Variants in TLE6 observed in about 807,000 individuals in gnomAD.
TLE6 encodes TLE family member 6, subcortical maternal complex member.
In TLE6, 72 loss-of-function variants were observed where a neutral mutation model predicts 77.1. The ratio of observed to expected loss-of-function variants is 0.93; its 90% CI spans 0.77 to 1.14. The LOEUF (loss-of-function observed/expected upper bound fraction) is 1.14, where lower values mean the gene tolerates loss of function less well. Ranked by LOEUF, TLE6 falls within the 50% of genes most tolerant of loss-of-function variation. The probability of loss-of-function intolerance (pLI) is 0.00; values close to 1 mark genes in which losing one functional copy is unlikely to be tolerated. For synonymous variants in TLE6, 366 were observed against 287.3 expected (o/e 1.27, Z -2.77); for missense variants, 843 against 747.6 (o/e 1.13, Z -1.49).
chr19:2,993,949 TG>T, intron 15 of TLE6, 69 bp from the exon 16 acceptor site: 1 of 824,602 alleles, frequency 1.2e-6, no homozygotes, highest in Non-Finnish European at 1.8e-6. Flanking sequence ...AAAAGGTGGG[TG>T]GGGAGGATGA....
chr19:2,993,516 G>A lies in TLE6; in HGVS notation c.1471G>A (p.Gly491Arg), dbSNP rs375057396. The stretch of plus-strand genomic sequence containing the variant: ...CCAGCAGTGGCTGCAAAGCACCAGC[G>A]GGAGCCAGCGGCACATGGTGGGGCA... Reference protein sequence around the residue: ...NGQQWLQSTSGSQRHMVGQKD... With the variant: ...NGQQWLQSTSRSQRHMVGQKD... Residue 491 changes from glycine (G) to arginine (R), a missense_variant, in exon 15 of 17, where the codon GGG becomes AGG. Transcript: ENST00000246112. 3.5e-5 allele frequency: 55 copies of A among 1,593,318 alleles called. No homozygotes were observed. The highest frequency in any genetic ancestry group is 8.5e-5 in the Admixed American group (5 of 58,976).
In TLE6 at chr19:2,980,089, G is replaced by T. The variant is rs2088766699; in HGVS notation, c.52-11G>T. 1 of 1,545,596 alleles carries T rather than the reference G, an allele frequency of 6.5e-7. No individual in the cohort carries two copies. The highest frequency in any genetic ancestry group is 1.2e-5 in the South Asian group (1 of 83,894). On this transcript the variant is annotated splice_polypyrimidine_tract_variant and intron_variant, in intron 2 of 16. Transcript: ENST00000246112. ...TGTAAGTTTTATGTAACCTTGCTTT[G>T]ACCTTTCCAGCCTTGTCCTGGGATC...
At position 2,991,979 on chromosome 19, in the gene TLE6, T is replaced by G. The variant is rs2089078220; in HGVS notation, c.1381T>G (p.Ser461Ala). Residue 461 changes from serine (S) to alanine (A), a missense_variant, in exon 14 of 17, where the codon TCT becomes GCT. Ser to Ala is a moderately conservative substitution (Grantham distance 99). Transcript: ENST00000246112. ...GAAACCTCTGGAGTACCAATTCAAG[T>G]CTCAGGTGCGGAGGCCGGGATGGGG... ...IMKPLEYQFKSQIMSLSHSPQ... is the reference protein window; with the variant it reads ...IMKPLEYQFKAQIMSLSHSPQ... 6.2e-7 allele frequency: 1 copy of G among 1,613,266 alleles called. No individual in the cohort carries two copies. The highest frequency in any genetic ancestry group is 1.1e-5 in the South Asian group (1 of 91,038).
In TLE6 at chr19:2,986,845, A is replaced by G; in HGVS notation, c.239A>G (p.Gln80Arg). ...TCCTTCTAGATAGGAAACGTCTTAC[A>G]GATTGTGGAGAGCTGCAGCCAACTC... ...EHHKQIGNVLQIVESCSQLQG... is the reference protein window; with the variant it reads ...EHHKQIGNVLRIVESCSQLQG... Residue 80 changes from glutamine (Q) to arginine (R), a missense_variant, in exon 6 of 17, where the codon CAG (glutamine) becomes CGG (arginine). Transcript: ENST00000246112. The G allele has an allele frequency of 2.6e-6, 4 of 1,551,708 alleles. No homozygotes were observed. The highest frequency in any genetic ancestry group is 3.5e-6 in the Non-Finnish European group (4 of 1,146,982).
At chr19:2,984,659 G>C (rs2088871120) in intron 5 of TLE6, among the ~76,000 whole-genome samples, 1 of 151,922 alleles carries the variant, frequency 6.6e-6, no homozygotes, top group Admixed American at 6.6e-5. Flanking sequence ...GTAGAGACAG[G>C]GTTTTGCCAT....
chr19:2,991,423 CACAT>C (rs1227349349), intron 13 of TLE6, among the ~76,000 whole-genome samples: 41 of 141,514 alleles, frequency 2.9e-4, no homozygotes, highest in African/African-American at 9.0e-4. Context: ...CACACACACA[CACAT>C]ATATATAATA....
At position 2,991,393 on chromosome 19, in the gene TLE6, T is replaced by TACACAC. The variant is rs1245083562; in HGVS notation, c.1245-449_1245-448insCACACA. On this transcript the variant is annotated intron_variant, in intron 13 of 16. Coordinates refer to ENST00000246112, the MANE Select transcript of TLE6 (RefSeq NM_001143986.2). ...AAAAATACGTATATATATATATATA[T>TACACAC]ATACACACACACACACACACACACA... is the stretch of plus-strand genomic sequence containing the variant. 1.7e-4 allele frequency among the ~76,000 whole-genome samples: 19 copies of TACACAC among 110,068 alleles called. No individual in the cohort carries two copies. The East Asian group carries it at 3.3e-3, about 19-fold the overall frequency. 72.2% of individuals were successfully genotyped at this position (110,068 alleles called of 152,430 possible). A position where few individuals can be genotyped will look rare whatever the true frequency, so the allele number is the denominator to read the frequency against.
At position 2,987,709 on chromosome 19, in the gene TLE6, T is replaced by A; in HGVS notation, c.559-15T>A. 6.2e-7 allele frequency: 1 copy of A among 1,614,020 alleles called. No individual in the cohort carries two copies. On this transcript the variant is annotated splice_polypyrimidine_tract_variant and intron_variant, in intron 8 of 16. Coordinates refer to ENST00000246112, the MANE Select transcript of TLE6 (RefSeq NM_001143986.2). Reference sequence around the variant, plus strand: ...GGCAGGTCAGCAGGCCTGATGAGACTTTTCCATTTTCCAGGGGCAGGAAAG... The same window carrying A: ...GGCAGGTCAGCAGGCCTGATGAGACATTTCCATTTTCCAGGGGCAGGAAAG...
intron 3 of TLE6, 115 bp from the exon 4 acceptor site, chr19:2,981,423 G>T (rs1568208846): frequency 8.9e-7 from 1 of 1,123,508 alleles, no homozygotes; most frequent in East Asian, 2.6e-5. Context: ...TTGGCTTCTG[G>T]AGCCAGTGCC....
intron 2 of TLE6, among the ~76,000 whole-genome samples, chr19:2,979,327 A>C (rs942831223): frequency 6.7e-6 from 1 of 150,012 alleles, no homozygotes; most frequent in Non-Finnish European, 1.5e-5. Flanking sequence ...GCTCACTGCA[A>C]CCTCCACCTC....
At chr19:2,989,373 T>G in intron 12 of TLE6, 60 bp downstream of exon 12, 1 of 1,600,272 alleles carries the variant, frequency 6.2e-7, no homozygotes, top group Non-Finnish European at 8.5e-7. Context: ...GTTTGAGGTT[T>G]GAGTCTGGCA....
chr19:2,980,170 A>G lies in TLE6; in HGVS notation c.122A>G (p.Lys41Arg), dbSNP rs2145014949. 1 of 1,548,052 alleles carries G rather than the reference A, an allele frequency of 6.5e-7. No homozygotes were observed. Among genetic ancestry groups the G allele is most frequent in the South Asian group, 1.2e-5 (1 of 84,002 alleles). The stretch of plus-strand genomic sequence containing the variant: ...TATCAGGGCATTCTAAATCGGCTCA[A>G]GCAGTTCCCCAGGTGAGAGCAATTC... Reference protein sequence around the residue: ...LNYQGILNRLKQFPRFSPHFA... With the variant: ...LNYQGILNRLRQFPRFSPHFA... Residue 41 changes from lysine (K) to arginine (R), a missense_variant, in exon 3 of 17, where the codon AAG becomes AGG. Lys to Arg is a conservative substitution (Grantham distance 26). Coordinates refer to ENST00000246112, the MANE Select transcript of TLE6 (RefSeq NM_001143986.2).
At chr19:2,979,709 G>A (rs998561613) in intron 2 of TLE6, among the ~76,000 whole-genome samples, 6 of 151,544 alleles carry the variant, frequency 4.0e-5, no homozygotes, top group Non-Finnish European at 2.9e-5. Context: ...AGGAGGCCGA[G>A]GCGGGTAGAT....
At position 2,981,176 on chromosome 19, in the gene TLE6, T is replaced by C. The variant is rs143254484; in HGVS notation, c.135-362T>C. Reference sequence around the variant, plus strand: ...GGGTTTGACACCAGCCTGGCCACCATGGTGAAACACTGTTTCTATTAAAAA... The same window carrying C: ...GGGTTTGACACCAGCCTGGCCACCACGGTGAAACACTGTTTCTATTAAAAA... On this transcript the variant is annotated intron_variant, in intron 3 of 16. Transcript: ENST00000246112. Among the ~76,000 whole-genome samples the C allele has an allele frequency of 2.0e-3, 299 of 152,038 alleles. 1 individual carries two copies. The highest frequency in any genetic ancestry group is 6.9e-3 in the African/African-American group (287 of 41,464).
rs369348144 is a variant in TLE6 at position 2,992,128 on chromosome 19, G to A, written c.1386+144G>A. ...AGGTGGGTGGATCACCTGAGGTCAG[G>A]AGTTTGAGACCAGCGTGGCCAACAT... On this transcript the variant is annotated intron_variant, in intron 14 of 16. Transcript: ENST00000246112. 42 of 914,090 alleles carry A rather than the reference G, an allele frequency of 4.6e-5. No homozygotes were observed. In the African/African-American group the frequency reaches 5.0e-4, roughly 11 times the overall value. The allele number at this position is 914,090 out of a possible 1,614,324, so 56.6% of individuals were successfully genotyped here.
rs368460177 is a variant in TLE6 at position 2,987,105 on chromosome 19, G to C, written c.408G>C (p.Leu136Phe). The C allele has an allele frequency of 6.2e-7, 1 of 1,614,118 alleles. No homozygotes were observed. The highest frequency in any genetic ancestry group is 8.5e-7 in the Non-Finnish European group (1 of 1,180,018). Residue 136 changes from leucine (L) to phenylalanine (F), a missense_variant, in exon 7 of 17, where the codon TTG becomes TTC. Leu to Phe is a conservative substitution (Grantham distance 22, BLOSUM62 0). Transcript: ENST00000246112. ...TRSSDWLRRP[L>F]GEDNQPETQL... Reference sequence around the variant, plus strand: ...CCTCCGACTGGCTCCGGCGGCCTTTGGGGGAGGACAATCAGCCGGAGACCC... The same window carrying C: ...CCTCCGACTGGCTCCGGCGGCCTTTCGGGGAGGACAATCAGCCGGAGACCC...
chr19:2,987,261 G>A (rs1244463647), intron 7 of TLE6, 23 bp downstream of exon 7: 26 of 1,614,026 alleles, frequency 1.6e-5, no homozygotes, highest in East Asian at 6.7e-5. Context: ...GAGGGTGAGG[G>A]GGAAGGGGCA....
At chr19:2,992,793 A>AGGGGG (rs1555686685) in intron 14 of TLE6, among the ~76,000 whole-genome samples, 1 of 19,760 alleles carries the variant, frequency 5.1e-5, no homozygotes, top group African/African-American at 2.6e-4. Context: ...AAAAAAAAAA[A>AGGGGG]GGGGGGGAGG....
At chr19:2,988,925 T>C (rs2145049103) in intron 11 of TLE6, 136 bp from the exon 12 acceptor site, 1 of 668,104 alleles carries the variant, frequency 1.5e-6, no homozygotes, top group African/African-American at 9.7e-5. Context: ...TTGAGGGGAG[T>C]CTAGAGGGTA....
Sources: allele counts gnomAD v4.1 joint callset (sites outside exome capture counted in the v4.1 genomes callset), GRCh38; gene constraint gnomAD v4.1.1; transcripts MANE v1.5; gene names NCBI Gene and HGNC (gene_info 2026-07-23, HGNC 2026-07-21).